TMCC3: variants seen among roughly 807,000 people sequenced by gnomAD.
TMCC3 encodes the protein transmembrane and coiled-coil domain protein 3.
In TMCC3, 28 loss-of-function variants were observed where a neutral mutation model predicts 40.2. The observed-to-expected ratio is 0.70, with a 90% CI of 0.52 to 0.95. The LOEUF (loss-of-function observed/expected upper bound fraction) is 0.95, where lower values mean the gene tolerates loss of function less well. Among genes scored for constraint, TMCC3 ranks in the 40% least tolerant of loss-of-function variants. The pLI, the probability that TMCC3 is intolerant of heterozygous loss-of-function variation, is 0.00. For synonymous variants in TMCC3, 255 were observed against 248.5 expected (o/e 1.03, Z -0.25); for missense variants, 554 against 615.2 (o/e 0.90, Z 1.05).
At chr12:94,639,440 T>C (rs1246036207) in intron 1 of TMCC3, among the ~76,000 whole-genome samples, 1 of 151,974 alleles carries the variant, frequency 6.6e-6, no homozygotes, top group Non-Finnish European at 1.5e-5. Flanking sequence ...AAAAATTAGC[T>C]GGCATGGTGG....
chr12:94,580,311 T>C (rs1417902569), intron 2 of TMCC3, among the ~76,000 whole-genome samples: 1 of 152,210 alleles, frequency 6.6e-6, no homozygotes, highest in Non-Finnish European at 1.5e-5. Flanking sequence ...CTACAAAACA[T>C]CTACTTTAAA....
At chr12:94,629,098 C>A (rs954716069) in intron 1 of TMCC3, among the ~76,000 whole-genome samples, 1 of 152,142 alleles carries the variant, frequency 6.6e-6, no homozygotes, top group Non-Finnish European at 1.5e-5. Flanking sequence ...AGCTATGACG[C>A]TCATGATTTA....
At position 94,650,507 on chromosome 12, in the gene TMCC3, C is replaced by A. The variant is rs952746843; in HGVS notation, c.-77G>T. On this transcript the variant is annotated 5_prime_UTR_variant, in exon 1 of 4. Coordinates refer to ENST00000261226, the MANE Select transcript of TMCC3 (RefSeq NM_020698.4). Reference sequence around the variant, plus strand: ...AGCCACCGGCTGTGCTCGGGATCACCCTGGGAGCCGCGGGCGAGGGGGCGG... The same window carrying A: ...AGCCACCGGCTGTGCTCGGGATCACACTGGGAGCCGCGGGCGAGGGGGCGG... 3 of 1,140,586 alleles carry A rather than the reference C, an allele frequency of 2.6e-6. No individual in the cohort carries two copies. The highest frequency in any genetic ancestry group is 1.6e-5 in the African/African-American group (1 of 61,546). 70.7% of individuals were successfully genotyped at this position (1,140,586 alleles called of 1,614,324 possible).
At chr12:94,589,052 A>G (rs370093895) in intron 1 of TMCC3, among the ~76,000 whole-genome samples, 14 of 151,802 alleles carry the variant, frequency 9.2e-5, no homozygotes, top group African/African-American at 3.4e-4. Context: ...CAAACTCCTG[A>G]CCTCAGGTGA....
At chr12:94,604,313 T>C (rs2068769757) in intron 1 of TMCC3, among the ~76,000 whole-genome samples, 1 of 152,172 alleles carries the variant, frequency 6.6e-6, no homozygotes, top group Non-Finnish European at 1.5e-5. Context: ...TTAGACCAAA[T>C]TGTTTTTATG....
At chr12:94,601,807 T>TA (rs2068754223) in intron 1 of TMCC3, among the ~76,000 whole-genome samples, 1 of 10,222 alleles carries the variant, frequency 9.8e-5, no homozygotes, top group Non-Finnish European at 1.6e-4. Flanking sequence ...AGACCTGGTC[T>TA]CAAAAAAAAA....
intron 1 of TMCC3, among the ~76,000 whole-genome samples, chr12:94,622,186 C>G (rs1018415357): frequency 6.6e-6 from 1 of 152,070 alleles, no homozygotes; most frequent in African/African-American, 2.4e-5. Flanking sequence ...TACTCCACAC[C>G]CATGGCCTGA....
At chr12:94,615,122 G>A (rs1027507360) in intron 1 of TMCC3, among the ~76,000 whole-genome samples, 37 of 152,174 alleles carry the variant, frequency 2.4e-4, no homozygotes, top group African/African-American at 8.9e-4. Context: ...ATTAATAAAT[G>A]TGTGCAAATA....
intron 1 of TMCC3, chr12:94,598,769 C>T (rs1022753640): frequency 1.6e-5 from 16 of 985,330 alleles, no homozygotes; most frequent in Non-Finnish European, 1.9e-5. Flanking sequence ...AACAGTCCTC[C>T]TCTAAGATCA....
chr12:94,602,523 T>C (rs146924747), intron 1 of TMCC3, among the ~76,000 whole-genome samples: 39 of 152,354 alleles, frequency 2.6e-4, no homozygotes, highest in African/African-American at 9.4e-4. Flanking sequence ...TAACATCTCA[T>C]TTAATTGACA....
At chr12:94,617,664 C>T (rs2068854891) in intron 1 of TMCC3, among the ~76,000 whole-genome samples, 1 of 152,190 alleles carries the variant, frequency 6.6e-6, no homozygotes, top group African/African-American at 2.4e-5. Context: ...AAAACTAAGG[C>T]CAGACTGTTC....
chr12:94,650,282 G>A lies in TMCC3; in HGVS notation c.78+71C>T, dbSNP rs1218147273. ...CGCCGGGGGCGCGTGGGTTAGCACT[G>A]AGCCGCCGCCCCAGCCCGCCTCGCC... On this transcript the variant is annotated intron_variant, in intron 1 of 3. Transcript: ENST00000261226. 4 of 1,034,852 alleles carry A rather than the reference G, an allele frequency of 3.9e-6. No homozygotes were observed. In the Admixed American group the frequency reaches 1.4e-4, roughly 36 times the overall value. The allele number at this position is 1,034,852 out of a possible 1,614,324, so 64.1% of individuals were successfully genotyped here. A position where few individuals can be genotyped will look rare whatever the true frequency, so the allele number is the denominator to read the frequency against.
chr12:94,616,439 G>A (rs1324863783), intron 1 of TMCC3: 1 of 152,622 alleles, frequency 6.6e-6, no homozygotes, highest in African/African-American at 2.4e-5. Flanking sequence ...CCAGCACCAA[G>A]GGAAGGGAAG....
intron 1 of TMCC3, among the ~76,000 whole-genome samples, chr12:94,603,251 A>C (rs181311776): frequency 7.2e-5 from 11 of 152,042 alleles, no homozygotes; most frequent in African/African-American, 2.7e-4. Flanking sequence ...CGCCTGGCTA[A>C]TTTTTTTATT....
intron 1 of TMCC3, among the ~76,000 whole-genome samples, chr12:94,589,153 T>C (rs1366168900): frequency 3.3e-5 from 5 of 151,936 alleles, no homozygotes; most frequent in Non-Finnish European, 7.4e-5. Flanking sequence ...TTTTAGCTCA[T>C]TGGCTATCGT....
chr12:94,620,392 G>A (rs1461349210), intron 1 of TMCC3, among the ~76,000 whole-genome samples: 2 of 151,318 alleles, frequency 1.3e-5, no homozygotes, highest in Non-Finnish European at 2.9e-5. Context: ...AGTTTAAGCG[G>A]TTCTCCTGCC....
intron 2 of TMCC3, among the ~76,000 whole-genome samples, chr12:94,579,853 C>A (rs1177909722): frequency 6.6e-6 from 1 of 152,196 alleles, no homozygotes; most frequent in Non-Finnish European, 1.5e-5. Flanking sequence ...CCGTCCTGAA[C>A]TCACATAAAT....
chr12:94,584,307 T>G (rs2068624824), intron 1 of TMCC3, among the ~76,000 whole-genome samples: 1 of 152,160 alleles, frequency 6.6e-6, no homozygotes, highest in African/African-American at 2.4e-5. Flanking sequence ...CCTCCTGCTT[T>G]CGCCGTGGGA....
At chr12:94,616,626 T>C (rs2068849572) in intron 1 of TMCC3, among the ~76,000 whole-genome samples, 2 of 150,990 alleles carry the variant, frequency 1.3e-5, no homozygotes, top group South Asian at 4.2e-4. Flanking sequence ...CTGATAAGTG[T>C]CAGGAGAGTA....
Sources: gnomAD v4.1 joint callset for allele counts (sites outside exome capture counted in the v4.1 genomes callset) on GRCh38, gnomAD v4.1.1 for gene constraint, MANE v1.5 for transcripts, NCBI Gene and HGNC (gene_info 2026-07-23, HGNC 2026-07-21) for gene names.